The following RYR1 variants were observed in gnomAD, a reference collection of about 807,000 sequenced individuals.
The protein encoded by RYR1 is central core disease of muscle.
In RYR1, 342 loss-of-function variants were observed where a neutral mutation model predicts 583.5. The observed-to-expected ratio is 0.59, with a 90% CI of 0.54 to 0.64. RYR1 has a LOEUF of 0.64. Ranked by LOEUF, RYR1 falls within the 30% of genes least tolerant of loss-of-function variation. The pLI is 0.00. For missense variants in RYR1, 6,032 were observed against 6,917.2 expected (o/e 0.87, Z 4.54); for synonymous variants, 2,791 against 2,822.5 (o/e 0.99, Z 0.35).
rs771741598 is a variant in RYR1, at chr19:38,578,171, G to A, written c.14331G>A (p.Gln4777=). The change falls in exon 99 of 106, where the codon CAG becomes CAA. Residue 4777 remains glutamine, a synonymous_variant. Transcript: ENST00000359596. ...TWLMSIDVKY[Q]IWKFGVIFTD... is the part of the protein sequence containing the mutation. ...TCATGTCCATCGATGTCAAGTACCAGATCTGGAAGTTCGGGGTCATCTTCA... is the reference window on the plus strand; with the variant it reads ...TCATGTCCATCGATGTCAAGTACCAAATCTGGAAGTTCGGGGTCATCTTCA... 7 of 1,613,686 alleles carry A rather than the reference G, an allele frequency of 4.3e-6. No individual in the cohort carries two copies. Among genetic ancestry groups the A allele is most frequent in the South Asian group, 3.3e-5 (3 of 91,054 alleles).
rs542646114 is a variant in RYR1, at chr19:38,506,554, C to T, written c.8692+8C>T. 1.5e-5 allele frequency: 24 copies of T among 1,613,720 alleles called. No individual in the cohort carries two copies. Among genetic ancestry groups the T allele is most frequent in the African/African-American group, 4.0e-5 (3 of 75,012 alleles). On this transcript the variant is annotated splice_region_variant and intron_variant, in intron 56 of 105. Transcript: ENST00000359596. ...AGGAGCTGGAAGCCAAAGGTGAGGG[C>T]GCCCATGCCGCCCCCACGCTACCCC...
chr19:38,586,709 G>A (rs569109426), intron 105 of RYR1, 133 bp downstream of exon 105: 56 of 876,260 alleles, frequency 6.4e-5, no homozygotes, highest in East Asian at 5.2e-4. Flanking sequence ...GGCGGCTCAC[G>A]CCTGTAATCC....
Position 38,578,273 on chromosome 19 carries a change from G to C in RYR1, c.14364+69G>C. 4 of 1,518,742 alleles carry C rather than the reference G, an allele frequency of 2.6e-6. No homozygotes were observed. The South Asian group carries it at 4.7e-5, about 18-fold the overall frequency. 94.1% of individuals were successfully genotyped at this position (1,518,742 alleles called of 1,614,324 possible). A position where few individuals can be genotyped will look rare whatever the true frequency, so the allele number is the denominator to read the frequency against. ...GGGCGTTAGGAGGGTTCCCAACGTCGGGTGTTCCTGACCAAAGAATGACTC... is the reference window on the plus strand; with the variant it reads ...GGGCGTTAGGAGGGTTCCCAACGTCCGGTGTTCCTGACCAAAGAATGACTC... On this transcript the variant is annotated intron_variant, in intron 99 of 105. Coordinates refer to ENST00000359596, the MANE Select transcript of RYR1 (RefSeq NM_000540.3).
intron 63 of RYR1, among the ~76,000 whole-genome samples, chr19:38,513,926 T>C (rs1970837421): frequency 6.6e-6 from 1 of 152,080 alleles, no homozygotes; most frequent in African/African-American, 2.4e-5. Flanking sequence ...CACGGTATCA[T>C]TATCATACCT....
chr19:38,494,105 G>A (rs1969687007), intron 38 of RYR1, among the ~76,000 whole-genome samples: 1 of 152,124 alleles, frequency 6.6e-6, no homozygotes, highest in African/African-American at 2.4e-5. Context: ...GGAGTTCGAG[G>A]CTGAAGTGAG....
At chr19:38,545,577 C>T (rs1972387605) in intron 87 of RYR1, among the ~76,000 whole-genome samples, 1 of 152,144 alleles carries the variant, frequency 6.6e-6, no homozygotes, top group African/African-American at 2.4e-5. Flanking sequence ...CTCTGGGAGC[C>T]CTAGGCGGGC....
Position 38,543,212 on chromosome 19 carries a change from AAATT to A in RYR1, c.11690-134_11690-131del. 1.3e-6 allele frequency: 1 copy of A among 773,190 alleles called. No individual in the cohort carries two copies. The highest frequency in any genetic ancestry group is 2.3e-6 in the Non-Finnish European group (1 of 432,068). 47.9% of individuals were successfully genotyped at this position (773,190 alleles called of 1,614,324 possible). On this transcript the variant is annotated intron_variant, in intron 84 of 105. Coordinates refer to ENST00000359596, the MANE Select transcript of RYR1 (RefSeq NM_000540.3). This position sits in a 1 kb window ranked among gnomAD's most constrained non-coding sequence, Gnocchi z 4.4. ...AGTAAGTACTTGATAGTTATTAAAT[AAATT>A]GATGATGATATGCTTTCTGGCATAC... is the stretch of plus-strand genomic sequence containing the variant.
At chr19:38,443,928 G>T in intron 5 of RYR1, 132 bp downstream of exon 5, 1 of 896,638 alleles carries the variant, frequency 1.1e-6, no homozygotes. Flanking sequence ...GTAGCAGAGA[G>T]TCTGCGGTAC....
chr19:38,533,900 C>T lies in RYR1; in HGVS notation c.11260-820C>T, dbSNP rs1375400673. ...GAGCCATTGTGAGTGAGTCTCTCTT[C>T]CTGGACCAAAAGAGCAGAATTTGAA... On this transcript the variant is annotated intron_variant, in intron 78 of 105. Coordinates refer to ENST00000359596, the MANE Select transcript of RYR1 (RefSeq NM_000540.3). Among the ~76,000 whole-genome samples the T allele has an allele frequency of 3.3e-5, 5 of 151,932 alleles. No individual in the cohort carries two copies. The East Asian group carries it at 9.6e-4, about 29-fold the overall frequency.
At chr19:38,451,992 T>C in intron 12 of RYR1, 107 bp downstream of exon 12, 2 of 1,503,856 alleles carry the variant, frequency 1.3e-6, no homozygotes, top group Non-Finnish European at 1.8e-6. Context: ...CACACCCTTG[T>C]CTAACATATA....
At position 38,490,336 on chromosome 19, in the gene RYR1, T is replaced by C. The variant is rs1347130363; in HGVS notation, c.6015+60T>C. On this transcript the variant is annotated intron_variant, in intron 36 of 105. Transcript: ENST00000359596. ...TCTAAACCCCAACCTCAACATCTCC[T>C]GACTCTGATCACTGAGGACCCTCAA... The C allele has an allele frequency of 2.7e-6, 4 of 1,498,328 alleles. No individual in the cohort carries two copies. In the East Asian group the frequency reaches 9.6e-5, roughly 36 times the overall value. 92.8% of individuals were successfully genotyped at this position (1,498,328 alleles called of 1,614,324 possible). A position where few individuals can be genotyped will look rare whatever the true frequency, so the allele number is the denominator to read the frequency against.
chr19:38,581,916 G>A (rs1974231926), intron 101 of RYR1, among the ~76,000 whole-genome samples: 1 of 152,068 alleles, frequency 6.6e-6, no homozygotes, highest in South Asian at 2.1e-4. Flanking sequence ...CCTTATTTGA[G>A]CTTTTCAAAC....
intron 1 of RYR1, among the ~76,000 whole-genome samples, chr19:38,436,964 A>G (rs1469828201): frequency 2.6e-5 from 4 of 152,102 alleles, no homozygotes; most frequent in Admixed American, 2.0e-4. Context: ...GCTGACCCCA[A>G]ATCAGGCTCT....
intron 90 of RYR1, among the ~76,000 whole-genome samples, chr19:38,562,716 T>G (rs1440250026): frequency 5.9e-5 from 9 of 151,764 alleles, no homozygotes; most frequent in Admixed American, 3.9e-4. Flanking sequence ...ACACTCATAC[T>G]CCTCCTGTCC....
intron 102 of RYR1, among the ~76,000 whole-genome samples, chr19:38,585,346 A>G (rs962498784): frequency 5.3e-5 from 8 of 149,908 alleles, no homozygotes; most frequent in South Asian, 2.1e-4. Flanking sequence ...TCTGGCTCAT[A>G]TGAGTGCTCA....
chr19:38,573,557 G>A (rs1285557037), intron 96 of RYR1, among the ~76,000 whole-genome samples: 3 of 152,012 alleles, frequency 2.0e-5, no homozygotes, highest in African/African-American at 7.3e-5. Context: ...GCGGGCGCCT[G>A]TAATCCCAGC....
rs1431867805 is a variant in RYR1, at chr19:38,483,281, T to C, written c.4708-9T>C. 14 of 1,560,952 alleles carry C rather than the reference T, an allele frequency of 9.0e-6. No homozygotes were observed. Among genetic ancestry groups the C allele is most frequent in the Middle Eastern group, 1.7e-4 (1 of 6,012 alleles). ...CCATCTTGACCCATGTGTGTCTCTC[T>C]GCCCTCAGAACATCATGCCGTTGTC... On this transcript the variant is annotated splice_polypyrimidine_tract_variant and intron_variant, in intron 32 of 105. Coordinates refer to ENST00000359596, the MANE Select transcript of RYR1 (RefSeq NM_000540.3). This position sits in a 1 kb window ranked among gnomAD's most constrained non-coding sequence, Gnocchi z 6.3.
At position 38,567,846 on chromosome 19, in the gene RYR1, C is replaced by T. The variant is rs766906669; in HGVS notation, c.13588C>T (p.Pro4530Ser). 20 of 1,614,126 alleles carry T rather than the reference C, an allele frequency of 1.2e-5. No homozygotes were observed. Among genetic ancestry groups the T allele is most frequent in the East Asian group, 4.5e-5 (2 of 44,884 alleles). ...EPPKKQAPPSPPPKKEEAGGE... is the reference protein window; with the variant it reads ...EPPKKQAPPSSPPKKEEAGGE... ...CCCCAAGAAGCAAGCACCTCCCTCA[C>T]CCCCTCCAAAGAAGGAGGAAGCTGG... Residue 4530 changes from proline (P) to serine (S), a missense_variant, in exon 93 of 106, where the codon CCC becomes TCC. Physicochemically the swap from Pro to Ser is moderately conservative, Grantham distance 74 (BLOSUM62 -1). Coordinates refer to ENST00000359596, the MANE Select transcript of RYR1 (RefSeq NM_000540.3).
Position 38,512,155 on chromosome 19 carries a change from C to T in RYR1, c.9233+23C>T. On this transcript the variant is annotated intron_variant, in intron 62 of 105. Transcript: ENST00000359596. The surrounding 1 kb of genome is among the most constrained non-coding windows in gnomAD (Gnocchi z 5.1). ...CAGGTAGGGCCATAGGCAGTGGCGCCCACTCCCACCATCATCGGGCCCCCA... is the reference window on the plus strand; with the variant it reads ...CAGGTAGGGCCATAGGCAGTGGCGCTCACTCCCACCATCATCGGGCCCCCA... 6.2e-7 allele frequency: 1 copy of T among 1,613,812 alleles called. No individual in the cohort carries two copies. The highest frequency in any genetic ancestry group is 1.3e-5 in the African/African-American group (1 of 75,020).
Sources: allele counts gnomAD v4.1 joint callset (sites outside exome capture counted in the v4.1 genomes callset), GRCh38; gene constraint gnomAD v4.1.1; non-coding constraint Gnocchi (gnomAD v3.1); transcripts MANE v1.5; gene names NCBI Gene and HGNC (gene_info 2026-07-23, HGNC 2026-07-21).